KIF26B: variants seen among roughly 807,000 people sequenced by gnomAD.
KIF26B encodes kinesin family member 26B.
Under a neutral mutation model 151.2 loss-of-function variants are expected in KIF26B, and 63 were observed. The observed-to-expected ratio is 0.42, with a 90% CI of 0.34 to 0.51. KIF26B has a LOEUF of 0.51. Among genes scored for constraint, KIF26B ranks in the 20% least tolerant of loss-of-function variants. The pLI, the probability that KIF26B is intolerant of heterozygous loss-of-function variation, is 0.07. For synonymous variants in KIF26B, 1,357 were observed against 1,262.1 expected (o/e 1.08, Z -1.59); for missense variants, 2,813 against 2,913.6 (o/e 0.97, Z 0.79).
At chr1:245,431,764 A>G (rs1658787284) in intron 4 of KIF26B, among the ~76,000 whole-genome samples, 1 of 152,222 alleles carries the variant, frequency 6.6e-6, no homozygotes, top group Non-Finnish European at 1.5e-5. Flanking sequence ...GGCGTGAGCC[A>G]CTGCGCCTGG....
In KIF26B at chr1:245,687,480, C is replaced by G; in HGVS notation, c.4497C>G (p.Ala1499=). The G allele has an allele frequency of 6.3e-7, 1 of 1,583,610 alleles. No homozygotes were observed. Among genetic ancestry groups the G allele is most frequent in the East Asian group, 2.3e-5 (1 of 43,240 alleles). The part of the protein sequence containing the change: ...RLSSSSGEVS[A]SPVTDNFRRV... ...GCAGCAGCAGCGGAGAGGTGTCGGC[C>G]TCCCCGGTCACTGACAACTTCAGGA... Residue 1499 remains alanine (A), a synonymous_variant, in exon 12 of 15, where the codon GCC becomes GCG. Coordinates refer to ENST00000407071, the MANE Select transcript of KIF26B (RefSeq NM_018012.4). The surrounding 1 kb of genome is among the most constrained non-coding windows in gnomAD (Gnocchi z 4.9).
At position 245,208,370 on chromosome 1, in the gene KIF26B, T is replaced by C. The variant is rs1358086207; in HGVS notation, c.465+51687T>C. Among the ~76,000 whole-genome samples the C allele has an allele frequency of 4.5e-4, 69 of 152,202 alleles. 1 individual carries two copies. The highest frequency in any genetic ancestry group is 4.5e-3 in the Admixed American group (69 of 15,280). ...TTCCCCCATTGATAACACCAGGCCC[T>C]TGTGTTCTGTAATTGACACAAGTTG... is the stretch of plus-strand genomic sequence containing the variant. On this transcript the variant is annotated intron_variant, in intron 2 of 14. Transcript: ENST00000407071.
chr1:245,478,768 G>C (rs995883897), intron 4 of KIF26B, among the ~76,000 whole-genome samples: 7 of 151,704 alleles, frequency 4.6e-5, no homozygotes, highest in African/African-American at 1.7e-4. Context: ...ATCGACTGTG[G>C]GTGAACAGTG....
At chr1:245,348,714 A>G (rs1672507131) in intron 2 of KIF26B, among the ~76,000 whole-genome samples, 4 of 152,148 alleles carry the variant, frequency 2.6e-5, no homozygotes, top group Admixed American at 2.0e-4. Context: ...CGTTCAGTTT[A>G]CAGCGGTCTC....
At chr1:245,374,695 C>T (rs1443653351) in intron 3 of KIF26B, among the ~76,000 whole-genome samples, 2 of 152,132 alleles carry the variant, frequency 1.3e-5, no homozygotes, top group African/African-American at 4.8e-5. Context: ...TTTGTTTTCT[C>T]CTGTTTATAG....
chr1:245,203,216 C>T (rs1669336292), intron 2 of KIF26B, among the ~76,000 whole-genome samples: 1 of 127,740 alleles, frequency 7.8e-6, no homozygotes, highest in African/African-American at 3.0e-5. Context: ...CATTGCACTC[C>T]AGCCTGGGTG....
At chr1:245,257,326 C>G (rs1328219349) in intron 2 of KIF26B, among the ~76,000 whole-genome samples, 2 of 152,216 alleles carry the variant, frequency 1.3e-5, no homozygotes, top group Non-Finnish European at 2.9e-5. Flanking sequence ...CACGCATTCT[C>G]AGGATCTCCT....
chr1:245,542,778 C>T (rs1370657584), intron 5 of KIF26B, among the ~76,000 whole-genome samples: 1 of 152,052 alleles, frequency 6.6e-6, no homozygotes, highest in African/African-American at 2.4e-5. Context: ...TAAAATGTAC[C>T]ATCTGAACTG....
intron 3 of KIF26B, among the ~76,000 whole-genome samples, chr1:245,409,456 TC>T (rs1674220881): frequency 6.6e-6 from 1 of 152,178 alleles, no homozygotes; most frequent in African/African-American, 2.4e-5. Context: ...ATGAGCAGCC[TC>T]TTCTGTTTGC....
Position 245,224,884 on chromosome 1 carries a change from A to G in KIF26B, c.465+68201A>G, listed in dbSNP as rs540950394. 1.1e-3 allele frequency among the ~76,000 whole-genome samples: 169 copies of G among 152,346 alleles called. 1 individual carries two copies. Among genetic ancestry groups the G allele is most frequent in the Non-Finnish European group, 1.9e-3 (128 of 68,026 alleles). On this transcript the variant is annotated intron_variant, in intron 2 of 14. Transcript: ENST00000407071. Reference sequence around the variant, plus strand: ...CCATATTGCAACTAACCTTTAAGAAACTACCACTTTTAAAGTTTTGGTTTG... The same window carrying G: ...CCATATTGCAACTAACCTTTAAGAAGCTACCACTTTTAAAGTTTTGGTTTG...
At position 245,688,555 on chromosome 1, in the gene KIF26B, C is replaced by T; in HGVS notation, c.5572C>T (p.Arg1858Trp). The stretch of plus-strand genomic sequence containing the variant: ...GCCCTACAGCAAGATCACGCCCCCG[C>T]GGAGGCCCCACCGCTGCAGCAGCGG... ...PSPYSKITPP[R>W]RPHRCSSGHG... Residue 1858 changes from arginine (R) to tryptophan (W), a missense_variant, in exon 12 of 15, where the codon CGG becomes TGG. Arg to Trp is a moderately radical substitution (Grantham distance 101). Around this residue, in one of 3 missense-constraint regions of KIF26B, gnomAD observed 2,060 missense variants for 2,088.6 expected, o/e 0.99. Coordinates refer to ENST00000407071, the MANE Select transcript of KIF26B (RefSeq NM_018012.4). 1 of 1,546,952 alleles carries T rather than the reference C, an allele frequency of 6.5e-7. No individual in the cohort carries two copies.
At chr1:245,273,930 C>T (rs985441774) in intron 2 of KIF26B, among the ~76,000 whole-genome samples, 19 of 152,152 alleles carry the variant, frequency 1.2e-4, no homozygotes, top group African/African-American at 4.6e-4. Context: ...TACCTTGTAG[C>T]TCTTTTGTCC....
chr1:245,366,843 T>C lies in KIF26B; in HGVS notation c.475T>C (p.Phe159Leu). ...CTTCTGTGTTCTGTAGGACCCTGCTTTCTCGGCTGTGATTCACGACAAACT... is the reference window on the plus strand; with the variant it reads ...CTTCTGTGTTCTGTAGGACCCTGCTCTCTCGGCTGTGATTCACGACAAACT... ...PGPFPGKDPA[F>L]SAVIHDKLQV... The change falls in exon 3 of 15, where the codon TTC becomes CTC. Residue 159 changes from phenylalanine (F) to leucine (L), a missense_variant. Physicochemically the swap from Phe to Leu is conservative, Grantham distance 22 (BLOSUM62 0). Coordinates refer to ENST00000407071, the MANE Select transcript of KIF26B (RefSeq NM_018012.4). 6.2e-7 allele frequency: 1 copy of C among 1,613,896 alleles called. No individual in the cohort carries two copies.
At chr1:245,225,115 C>G (rs1669848795) in intron 2 of KIF26B, among the ~76,000 whole-genome samples, 1 of 152,092 alleles carries the variant, frequency 6.6e-6, no homozygotes. Flanking sequence ...TTTACAACAG[C>G]AAAACACACA....
At position 245,597,850 on chromosome 1, in the gene KIF26B, T is replaced by A. The variant is rs1159882556; in HGVS notation, c.1351-4727T>A. 6.6e-6 allele frequency among the ~76,000 whole-genome samples: 1 copy of A among 152,070 alleles called. No individual in the cohort carries two copies. The highest frequency in any genetic ancestry group is 1.5e-5 in the Non-Finnish European group (1 of 68,032). ...TTCCTTTTCATTCTTTTTTCTCTAA[T>A]CTTGTCTTCACGCTTTATTTCACTA... On this transcript the variant is annotated intron_variant, in intron 5 of 14. Coordinates refer to ENST00000407071, the MANE Select transcript of KIF26B (RefSeq NM_018012.4). The surrounding 1 kb of genome is among the most constrained non-coding windows in gnomAD (Gnocchi z 4.6).
intron 2 of KIF26B, among the ~76,000 whole-genome samples, chr1:245,267,761 A>G (rs1670775014): frequency 6.6e-6 from 1 of 152,138 alleles, no homozygotes; most frequent in Non-Finnish European, 1.5e-5. Context: ...ATTCTGAGGA[A>G]TTCTTAAATT....
At chr1:245,613,086 G>T (rs2043546275) in intron 9 of KIF26B, among the ~76,000 whole-genome samples, 1 of 152,160 alleles carries the variant, frequency 6.6e-6, no homozygotes, top group Admixed American at 6.5e-5. Context: ...GGCTGGCCGG[G>T]CAGTGGCTTC....
intron 2 of KIF26B, among the ~76,000 whole-genome samples, chr1:245,191,883 C>A (rs1669117090): frequency 6.6e-6 from 1 of 152,042 alleles, no homozygotes; most frequent in Non-Finnish European, 1.5e-5. Flanking sequence ...CAAATCGAAA[C>A]AACAGTAAGC....
intron 2 of KIF26B, among the ~76,000 whole-genome samples, chr1:245,209,643 C>T (rs1020954448): frequency 2.6e-5 from 4 of 152,140 alleles, no homozygotes; most frequent in Non-Finnish European, 4.4e-5. Flanking sequence ...AGATTCTCAT[C>T]GGTGGACGGT....
Sources: gnomAD v4.1 joint callset for allele counts (sites outside exome capture counted in the v4.1 genomes callset) on GRCh38, gnomAD v4.1.1 for gene constraint, gnomAD v4.1.1 regional missense constraint, Gnocchi (gnomAD v3.1) non-coding constraint, MANE v1.5 for transcripts, NCBI Gene and HGNC (gene_info 2026-07-23, HGNC 2026-07-21) for gene names.